The following PHACTR3 variants were observed in gnomAD, a reference collection of about 807,000 sequenced individuals.
The protein encoded by PHACTR3 is phosphatase and actin regulator 3.
In PHACTR3, 16 loss-of-function variants were observed where a neutral mutation model predicts 66.8. That is an observed-to-expected ratio of 0.24 (90% CI 0.16 to 0.36). PHACTR3 has a LOEUF of 0.36. Ranked by LOEUF, PHACTR3 falls within the 10% of genes least tolerant of loss-of-function variation. PHACTR3 has a pLI of 1.00. For synonymous variants in PHACTR3, 323 were observed against 292.1 expected (o/e 1.11, Z -1.08); for missense variants, 647 against 719.9 (o/e 0.90, Z 1.16).
At chr20:59,734,043 T>C (rs572622276) in intron 1 of PHACTR3, among the ~76,000 whole-genome samples, 1 of 151,902 alleles carries the variant, frequency 6.6e-6, no homozygotes, top group South Asian at 2.1e-4. Context: ...TCCAGGTCCC[T>C]CAATGACTCC....
chr20:59,640,072 A>G (rs749828746), intron 1 of PHACTR3, among the ~76,000 whole-genome samples: 15 of 152,326 alleles, frequency 9.8e-5, no homozygotes, highest in Admixed American at 2.0e-4. Context: ...ACAGGACAGT[A>G]GAGCATAGCA....
chr20:59,731,276 C>A (rs1030743565), intron 1 of PHACTR3, among the ~76,000 whole-genome samples: 1 of 152,122 alleles, frequency 6.6e-6, no homozygotes, highest in Non-Finnish European at 1.5e-5. Flanking sequence ...AATATAATCT[C>A]AGGGAAGAAG....
At chr20:59,579,005 GC>G (rs1427243289) in intron 1 of PHACTR3, among the ~76,000 whole-genome samples, 22 of 152,182 alleles carry the variant, frequency 1.4e-4, no homozygotes, top group Non-Finnish European at 1.6e-4. Context: ...TGGGGCAGAA[GC>G]CCCTCCCCCA....
chr20:59,754,884 C>T (rs543356820), intron 3 of PHACTR3, among the ~76,000 whole-genome samples: 5 of 152,352 alleles, frequency 3.3e-5, no homozygotes, highest in East Asian at 1.9e-4. Flanking sequence ...CAAAGGTGCA[C>T]GGCAGTGGGT....
At chr20:59,791,502 T>C (rs1253318869) in intron 7 of PHACTR3, among the ~76,000 whole-genome samples, 1 of 152,116 alleles carries the variant, frequency 6.6e-6, no homozygotes, top group Non-Finnish European at 1.5e-5. Context: ...CCTACAGCCT[T>C]GTCCTCTGGG....
intron 1 of PHACTR3, chr20:59,676,807 G>C: frequency 1.1e-6 from 1 of 898,100 alleles, no homozygotes; most frequent in South Asian, 5.2e-5. Flanking sequence ...CAGAGGGCAG[G>C]GACTCTGCTT....
chr20:59,803,396 TTACC>T (rs2041474011), intron 7 of PHACTR3, among the ~76,000 whole-genome samples: 1 of 152,182 alleles, frequency 6.6e-6, no homozygotes, highest in Non-Finnish European at 1.5e-5. Flanking sequence ...TTCTGTGATG[TTACC>T]TAACAATGTT....
intron 8 of PHACTR3, among the ~76,000 whole-genome samples, chr20:59,822,602 G>A (rs115768718): frequency 1.8e-3 from 271 of 152,192 alleles, no homozygotes; most frequent in African/African-American, 6.2e-3. Flanking sequence ...ATGAAGGTCT[G>A]GGTCCGGTGG....
chr20:59,733,558 GCAGTGTTAT>G (rs2038843516), intron 1 of PHACTR3, among the ~76,000 whole-genome samples: 2 of 152,144 alleles, frequency 1.3e-5, no homozygotes, highest in Admixed American at 1.3e-4. Context: ...ATCTTAGACA[GCAGTGTTAT>G]CATCTGCTCT....
At chr20:59,699,847 A>G (rs1358148024) in intron 1 of PHACTR3, among the ~76,000 whole-genome samples, 1 of 152,186 alleles carries the variant, frequency 6.6e-6, no homozygotes, top group Non-Finnish European at 1.5e-5. Flanking sequence ...CTGTAATCCC[A>G]GCTACTCAGG....
Position 59,738,591 on chromosome 20 carries a change from G to A in PHACTR3, c.119-4516G>A, listed in dbSNP as rs1412859464. On this transcript the variant is annotated intron_variant, in intron 1 of 12. Transcript: ENST00000371015. The surrounding 1 kb of genome is among the most constrained non-coding windows in gnomAD (Gnocchi z 4.4). ...TGTGCTACTCCGTTTTGCCTTGGCT[G>A]CTAGGAAGCTCAGGGCACACAAATA... Among the ~76,000 whole-genome samples the A allele has an allele frequency of 6.6e-6, 1 of 152,100 alleles. No homozygotes were observed. The highest frequency in any genetic ancestry group is 6.5e-5 in the Admixed American group (1 of 15,278).
intron 1 of PHACTR3, among the ~76,000 whole-genome samples, chr20:59,660,797 T>C (rs1004381633): frequency 2.6e-5 from 4 of 152,248 alleles, no homozygotes; most frequent in African/African-American, 4.8e-5. Flanking sequence ...GTGAGTTGTT[T>C]TATGAAACAT....
chr20:59,680,313 T>G (rs2036597283), intron 1 of PHACTR3, among the ~76,000 whole-genome samples: 1 of 152,096 alleles, frequency 6.6e-6, no homozygotes, highest in Non-Finnish European at 1.5e-5. Flanking sequence ...GGTGGCAGGT[T>G]GAAGAGAACT....
intron 1 of PHACTR3, among the ~76,000 whole-genome samples, chr20:59,691,340 G>A (rs910812122): frequency 2.6e-5 from 4 of 152,200 alleles, no homozygotes; most frequent in Non-Finnish European, 5.9e-5. Flanking sequence ...GATATAAAAT[G>A]TGAGGGACAG....
At chr20:59,702,783 C>A (rs2037553171) in intron 1 of PHACTR3, among the ~76,000 whole-genome samples, 1 of 152,208 alleles carries the variant, frequency 6.6e-6, no homozygotes, top group East Asian at 1.9e-4. Context: ...ATATTGTATT[C>A]ATCCGTGAAA....
chr20:59,606,084 G>T (rs1015477980), intron 1 of PHACTR3, among the ~76,000 whole-genome samples: 5 of 152,196 alleles, frequency 3.3e-5, no homozygotes, highest in African/African-American at 1.2e-4. Context: ...ATTCTGTTTT[G>T]ATAACAAGTT....
intron 12 of PHACTR3, among the ~76,000 whole-genome samples, chr20:59,846,765 A>C (rs1289751143): frequency 6.6e-6 from 1 of 152,210 alleles, no homozygotes; most frequent in African/African-American, 2.4e-5. Flanking sequence ...ATTACTCTAC[A>C]AAAAGTCATA....
chr20:59,794,457 T>C (rs2041195979), intron 7 of PHACTR3, among the ~76,000 whole-genome samples: 1 of 152,210 alleles, frequency 6.6e-6, no homozygotes, highest in South Asian at 2.1e-4. Context: ...TATTATTTTG[T>C]TGAGGATTTT....
chr20:59,591,214 C>G (rs1257605870), intron 1 of PHACTR3, among the ~76,000 whole-genome samples: 1 of 152,220 alleles, frequency 6.6e-6, no homozygotes, highest in East Asian at 1.9e-4. Flanking sequence ...TCTGGCCATT[C>G]TCGTCCCTCG....
Sources: gnomAD v4.1 joint callset for allele counts (sites outside exome capture counted in the v4.1 genomes callset) on GRCh38, gnomAD v4.1.1 for gene constraint, Gnocchi (gnomAD v3.1) non-coding constraint, MANE v1.5 for transcripts, NCBI Gene and HGNC (gene_info 2026-07-23, HGNC 2026-07-21) for gene names.